Variants in NKAIN3 observed in about 807,000 individuals in gnomAD.
NKAIN3 encodes sodium/potassium-transporting ATPase subunit beta-1-interacting protein 3.
In NKAIN3, 25 loss-of-function variants were observed where a neutral mutation model predicts 30.2. The observed-to-expected ratio is 0.83, with a 90% CI of 0.60 to 1.16. The LOEUF (loss-of-function observed/expected upper bound fraction) is 1.16, where lower values mean the gene tolerates loss of function less well. NKAIN3 is among the 50% of genes most tolerant of loss of function. The pLI is 0.00. For synonymous variants in NKAIN3, 91 were observed against 89.6 expected (o/e 1.02, Z -0.09); for missense variants, 225 against 254.1 (o/e 0.89, Z 0.78).
intron 1 of NKAIN3, chr8:62,473,258 T>C (rs1806412948): frequency 6.6e-6 from 1 of 152,218 alleles, no homozygotes; most frequent in Non-Finnish European, 1.5e-5. Flanking sequence ...GTACAGCAAG[T>C]TGCTTCAAAT....
chr8:62,840,828 G>A (rs1026729748), intron 4 of NKAIN3, among the ~76,000 whole-genome samples: 1 of 152,130 alleles, frequency 6.6e-6, no homozygotes, highest in Non-Finnish European at 1.5e-5. Flanking sequence ...GAACATCTGA[G>A]AAAGAGTCAT....
intron 3 of NKAIN3, among the ~76,000 whole-genome samples, chr8:62,723,938 T>G (rs933452460): frequency 2.6e-5 from 4 of 152,122 alleles, no homozygotes; most frequent in Admixed American, 2.6e-4. Context: ...TTTTTCTAAC[T>G]TCTTACTGTG....
chr8:62,343,580 C>G (rs1034036430), intron 1 of NKAIN3, among the ~76,000 whole-genome samples: 3 of 151,942 alleles, frequency 2.0e-5, no homozygotes, highest in African/African-American at 7.3e-5. Flanking sequence ...GAGGCTAAGG[C>G]AGGAGGATTC....
chr8:62,683,643 A>G (rs1813712832), intron 3 of NKAIN3, among the ~76,000 whole-genome samples: 1 of 152,134 alleles, frequency 6.6e-6, no homozygotes, highest in Non-Finnish European at 1.5e-5. Flanking sequence ...TATAATCTTG[A>G]CTTTCATTCA....
intron 2 of NKAIN3, among the ~76,000 whole-genome samples, chr8:62,581,080 G>A (rs1177538455): frequency 2.1e-5 from 3 of 140,356 alleles, no homozygotes; most frequent in Non-Finnish European, 4.5e-5. Context: ...TCCAGCCTAG[G>A]CAACAGAGAG....
At chr8:62,278,921 A>T (rs1009261110) in intron 1 of NKAIN3, among the ~76,000 whole-genome samples, 2 of 152,172 alleles carry the variant, frequency 1.3e-5, no homozygotes, top group African/African-American at 4.8e-5. Context: ...GTCAAATGGT[A>T]TTTCTAGTTC....
chr8:62,304,280 T>A (rs1040372862), intron 1 of NKAIN3, among the ~76,000 whole-genome samples: 2 of 150,430 alleles, frequency 1.3e-5, no homozygotes, highest in Non-Finnish European at 2.9e-5. Context: ...GTAGTATAGC[T>A]TGGTGCAAGT....
chr8:62,427,406 T>G (rs1400831152), intron 1 of NKAIN3, among the ~76,000 whole-genome samples: 1 of 152,014 alleles, frequency 6.6e-6, no homozygotes, highest in Non-Finnish European at 1.5e-5. Flanking sequence ...CCCTACTGTC[T>G]GACTGTGGTC....
chr8:62,304,794 T>G (rs1341426823), intron 1 of NKAIN3, among the ~76,000 whole-genome samples: 1 of 92,316 alleles, frequency 1.1e-5, no homozygotes, highest in East Asian at 3.7e-4. Flanking sequence ...CCTGCTGTGG[T>G]TGTGTCCTTG....
At chr8:62,990,163 C>T in intron 5 of NKAIN3, 1 of 1,226,982 alleles carries the variant, frequency 8.2e-7, no homozygotes, top group African/African-American at 1.5e-5. Context: ...ATTTTTTATT[C>T]TCAGATTCAT....
At chr8:62,863,173 TC>T in intron 4 of NKAIN3, 1 of 1,530,058 alleles carries the variant, frequency 6.5e-7, no homozygotes, top group East Asian at 2.3e-5. Context: ...GGCTTCTTGC[TC>T]CAATTCTTCT....
intron 1 of NKAIN3, among the ~76,000 whole-genome samples, chr8:62,352,119 G>T (rs1029952149): frequency 6.6e-6 from 1 of 152,188 alleles, no homozygotes; most frequent in Non-Finnish European, 1.5e-5. Flanking sequence ...ATTAGGAAGA[G>T]ATAGTTATGT....
intron 1 of NKAIN3, among the ~76,000 whole-genome samples, chr8:62,411,057 C>T (rs915637089): frequency 5.3e-5 from 8 of 152,094 alleles, no homozygotes; most frequent in African/African-American, 1.9e-4. Flanking sequence ...TAGCATCAGC[C>T]TAACACCAAA....
chr8:62,845,219 G>A (rs527589874), intron 4 of NKAIN3, among the ~76,000 whole-genome samples: 4 of 143,478 alleles, frequency 2.8e-5, no homozygotes, highest in Non-Finnish European at 3.0e-5. Context: ...TTGCTCCTAC[G>A]TTGGCTCTGT....
chr8:62,780,720 T>A (rs940311848), intron 4 of NKAIN3, among the ~76,000 whole-genome samples: 1 of 152,100 alleles, frequency 6.6e-6, no homozygotes, highest in African/African-American at 2.4e-5. Flanking sequence ...GAAAAAGCAT[T>A]TGATAAAATT....
chr8:62,761,942 C>T (rs973883814), intron 4 of NKAIN3, among the ~76,000 whole-genome samples: 1 of 151,996 alleles, frequency 6.6e-6, no homozygotes, highest in Non-Finnish European at 1.5e-5. Context: ...ATCTACTCCC[C>T]CCAAAAAAGA....
At chr8:62,468,324 C>A (rs1806224367) in intron 1 of NKAIN3, among the ~76,000 whole-genome samples, 1 of 152,086 alleles carries the variant, frequency 6.6e-6, no homozygotes, top group African/African-American at 2.4e-5. Context: ...AGTGATTCAG[C>A]CTCAGTAGAT....
intron 3 of NKAIN3, among the ~76,000 whole-genome samples, chr8:62,639,002 C>A (rs930035960): frequency 6.6e-6 from 1 of 152,108 alleles, no homozygotes; most frequent in African/African-American, 2.4e-5. Flanking sequence ...TTGTAACTTT[C>A]TCTGCAAGTG....
At chr8:62,904,963 G>T (rs1030023058) in intron 4 of NKAIN3, among the ~76,000 whole-genome samples, 3 of 152,116 alleles carry the variant, frequency 2.0e-5, no homozygotes, top group Non-Finnish European at 4.4e-5. Context: ...CAGAGGACAC[G>T]ATCTTTGCAT....
Sources: allele counts gnomAD v4.1 joint callset (sites outside exome capture counted in the v4.1 genomes callset), GRCh38; gene constraint gnomAD v4.1.1; transcripts MANE v1.5; gene names NCBI Gene and HGNC (gene_info 2026-07-23, HGNC 2026-07-21).